Variants in MYO18B observed in about 807,000 individuals in gnomAD.
The protein encoded by MYO18B is myosin XVIIIB, also known as unconventional myosin-XVIIIb.
In MYO18B, 204 loss-of-function variants were observed where a neutral mutation model predicts 273.0. The observed-to-expected ratio is 0.75, with a 90% CI of 0.67 to 0.84. The LOEUF is 0.84. MYO18B is among the 40% of genes least tolerant of loss of function. The pLI is 0.00. For synonymous variants in MYO18B, 1,330 were observed against 1,305.7 expected (o/e 1.02, Z -0.40); for missense variants, 3,212 against 3,287.6 (o/e 0.98, Z 0.56).
intron 9 of MYO18B, among the ~76,000 whole-genome samples, 161 bp from the exon 10 acceptor site, chr22:25,781,573 G>A (rs1388354607): frequency 2.1e-5 from 3 of 140,584 alleles, no homozygotes; most frequent in African/African-American, 8.0e-5. Context: ...TCACGCCACC[G>A]CACTCCAGCC....
chr22:25,867,491 T>A (rs2146137693), intron 21 of MYO18B, among the ~76,000 whole-genome samples: 2 of 152,350 alleles, frequency 1.3e-5, no homozygotes, highest in East Asian at 3.9e-4. Flanking sequence ...AATATTCCAT[T>A]GTATGGATAG....
intron 20 of MYO18B, 118 bp downstream of exon 20, chr22:25,847,770 C>A: frequency 1.4e-6 from 1 of 708,656 alleles, no homozygotes; most frequent in Non-Finnish European, 2.4e-6. Context: ...ACCCAGCATC[C>A]TGGTTACTCT....
At chr22:25,988,730 G>A (rs1169473341) in intron 39 of MYO18B, among the ~76,000 whole-genome samples, 4 of 152,118 alleles carry the variant, frequency 2.6e-5, no homozygotes, top group Non-Finnish European at 5.9e-5. Flanking sequence ...AGAATTAAAG[G>A]ATAGCTATGC....
chr22:25,952,222 G>T, intron 37 of MYO18B, 64 bp from the exon 38 acceptor site: 1 of 1,568,112 alleles, frequency 6.4e-7, no homozygotes, highest in Middle Eastern at 2.3e-4. Context: ...GCTGGGTCCT[G>T]CACATGTCTC....
chr22:25,904,958 AAT>A (rs2092011630), intron 31 of MYO18B, among the ~76,000 whole-genome samples: 1 of 144,022 alleles, frequency 6.9e-6, no homozygotes, highest in East Asian at 2.0e-4. Context: ...AAAAAAAAAA[AAT>A]TTCTAGGGGA....
At chr22:25,847,933 G>GTA (rs2090304939) in intron 20 of MYO18B, among the ~76,000 whole-genome samples, 1 of 128,602 alleles carries the variant, frequency 7.8e-6, no homozygotes, top group Non-Finnish European at 1.6e-5. Flanking sequence ...TATTTCTTCT[G>GTA]AAAACACACA....
chr22:25,890,849 G>A lies in MYO18B; in HGVS notation c.4408G>A (p.Ala1470Thr), dbSNP rs1383191062. The change falls in exon 26 of 44, where the codon GCC becomes ACC. Residue 1470 changes from alanine (A) to threonine (T), a missense_variant. Physicochemically the swap from Ala to Thr is moderately conservative, Grantham distance 58. Transcript: ENST00000335473. The part of the protein sequence containing the change: ...LESERAERLQ[A>T]FREVQELKSK... The stretch of plus-strand genomic sequence containing the variant: ...GAGTGAGCGGGCAGAGCGGCTACAG[G>A]CCTTCCGGGAGGTCCAGGAGCTCAA... The A allele has an allele frequency of 1.9e-6, 3 of 1,613,776 alleles. No individual in the cohort carries two copies. In the African/African-American group the frequency reaches 4.0e-5, roughly 22 times the overall value.
intron 1 of MYO18B, among the ~76,000 whole-genome samples, chr22:25,751,559 G>A (rs896494520): frequency 6.6e-6 from 1 of 152,188 alleles, no homozygotes; most frequent in African/African-American, 2.4e-5. Context: ...GCATGTGTGG[G>A]AGGAGTCAGG....
Position 25,772,398 on chromosome 22 carries a change from G to T in MYO18B, c.1757G>T (p.Ser586Ile). The T allele has an allele frequency of 6.2e-7, 1 of 1,614,016 alleles. No homozygotes were observed. Among genetic ancestry groups the T allele is most frequent in the Non-Finnish European group, 8.5e-7 (1 of 1,179,892 alleles). The part of the protein sequence containing the change: ...LASLISVNES[S>I]VLNTLLQRYK... ...TCTCTCATCAGTGTCAACGAATCCA[G>T]TGTCCTGAACACGCTTCTGCAGCGC... Residue 586 changes from serine to isoleucine, a missense_variant, in exon 7 of 44, where the codon AGT (serine) becomes ATT (isoleucine). Coordinates refer to ENST00000335473, the MANE Select transcript of MYO18B (RefSeq NM_032608.7).
intron 3 of MYO18B, among the ~76,000 whole-genome samples, chr22:25,767,761 A>G (rs2086559759): frequency 2.0e-5 from 3 of 152,124 alleles, no homozygotes; most frequent in African/African-American, 7.2e-5. Flanking sequence ...TCTCACACCT[A>G]CCCTGCAAGG....
At chr22:25,841,151 G>A (rs376241303) in intron 17 of MYO18B, among the ~76,000 whole-genome samples, 3 of 152,146 alleles carry the variant, frequency 2.0e-5, no homozygotes, top group South Asian at 4.1e-4. Flanking sequence ...TGGAGCCCAG[G>A]CACAGTGGAC....
In MYO18B at chr22:25,785,154, C is replaced by G. The variant is rs2087328217; in HGVS notation, c.2313-274C>G. Among the ~76,000 whole-genome samples, 2 of 152,194 alleles carry G rather than the reference C, an allele frequency of 1.3e-5. 1 individual carries two copies. The highest frequency in any genetic ancestry group is 4.1e-4 in the South Asian group (2 of 4,828). ...GAGGTCGCTCAGCTGATTAGAAGAT[C>G]TGGGGTTAGTCCCTGCTCTCCTGAT... On this transcript the variant is annotated intron_variant, in intron 10 of 43. Transcript: ENST00000335473.
At position 25,868,390 on chromosome 22, in the gene MYO18B, G is replaced by A. The variant is rs1265385003; in HGVS notation, c.3951+5G>A. On this transcript the variant is annotated splice_donor_5th_base_variant and intron_variant, in intron 22 of 43. Coordinates refer to ENST00000335473, the MANE Select transcript of MYO18B (RefSeq NM_032608.7). ...GTGGCTGTGGGGCACAGCCAAGTGA[G>A]TAGAGCTGCTTTCTTACAACATTCG... The A allele has an allele frequency of 3.8e-6, 6 of 1,589,206 alleles. No homozygotes were observed. The highest frequency in any genetic ancestry group is 4.3e-6 in the Non-Finnish European group (5 of 1,167,350).
rs148773454 is a variant in MYO18B at position 25,861,347 on chromosome 22, G to T, written c.3886-6973G>T. On this transcript the variant is annotated intron_variant, in intron 21 of 43. Coordinates refer to ENST00000335473, the MANE Select transcript of MYO18B (RefSeq NM_032608.7). Reference sequence around the variant, plus strand: ...TAGGTACAGACATATTTATAATGCCGTATCTTCTGGATGGATTAACCCTTT... The same window carrying T: ...TAGGTACAGACATATTTATAATGCCTTATCTTCTGGATGGATTAACCCTTT... 3.3e-3 allele frequency among the ~76,000 whole-genome samples: 505 copies of T among 152,246 alleles called. 17 individuals carry two copies. Among genetic ancestry groups the T allele is most frequent in the Non-Finnish European group, 4.7e-4 (32 of 68,022 alleles).
At chr22:25,932,701 C>T (rs572296220) in intron 34 of MYO18B, among the ~76,000 whole-genome samples, 79 of 152,072 alleles carry the variant, frequency 5.2e-4, no homozygotes, top group African/African-American at 1.8e-3. Flanking sequence ...TGAGCCACTG[C>T]GCCCTGCCTA....
chr22:25,878,774 C>G (rs1026802990), intron 25 of MYO18B, among the ~76,000 whole-genome samples: 2 of 152,244 alleles, frequency 1.3e-5, no homozygotes, highest in Non-Finnish European at 2.9e-5. Flanking sequence ...TTCTTATTTA[C>G]TGCTGCTGGG....
At chr22:25,998,138 G>A (rs1422471809) in intron 40 of MYO18B, among the ~76,000 whole-genome samples, 3 of 152,200 alleles carry the variant, frequency 2.0e-5, no homozygotes, top group African/African-American at 7.2e-5. Flanking sequence ...AGAAAGCCAG[G>A]TAGCCTATGT....
At chr22:25,873,682 C>T (rs944142578) in intron 22 of MYO18B, among the ~76,000 whole-genome samples, 5 of 152,166 alleles carry the variant, frequency 3.3e-5, no homozygotes, top group South Asian at 2.1e-4. Context: ...TCAGGTGATC[C>T]GCCCACCTCA....
chr22:26,053,967 G>T, the MYO18B span, among the ~76,000 whole-genome samples: 1 of 152,160 alleles, frequency 6.6e-6, no homozygotes, highest in Non-Finnish European at 1.5e-5. Flanking sequence ...GGGAGGGGTT[G>T]GGGGACAATG....
Sources: allele counts gnomAD v4.1 joint callset (sites outside exome capture counted in the v4.1 genomes callset), GRCh38; gene constraint gnomAD v4.1.1; transcripts MANE v1.5; gene names NCBI Gene and HGNC (gene_info 2026-07-23, HGNC 2026-07-21).